The following HAUS2 variants were observed in gnomAD, a reference collection of about 807,000 sequenced individuals.
HAUS2 encodes the protein HAUS augmin-like complex subunit 2.
In HAUS2, 20 loss-of-function variants were observed where a neutral mutation model predicts 21.6. The ratio of observed to expected loss-of-function variants is 0.93; its 90% CI spans 0.65 to 1.35. The LOEUF is 1.35. Among genes scored for constraint, HAUS2 ranks in the 40% most tolerant of loss-of-function variants. HAUS2 has a pLI of 0.00. For synonymous variants in HAUS2, 113 were observed against 95.6 expected (o/e 1.18, Z -1.06); for missense variants, 297 against 280.7 (o/e 1.06, Z -0.42).
chr15:42,565,473 A>G (rs745503285), intron 5 of HAUS2, among the ~76,000 whole-genome samples: 1 of 151,484 alleles, frequency 6.6e-6, no homozygotes, highest in Non-Finnish European at 1.5e-5. Flanking sequence ...TGACTTGATT[A>G]GAACTGCCTT....
chr15:42,553,816 T>C (rs1244048488), intron 1 of HAUS2, among the ~76,000 whole-genome samples: 2 of 152,036 alleles, frequency 1.3e-5, no homozygotes, highest in Non-Finnish European at 2.9e-5. Context: ...ATGTGATAAA[T>C]TGTAGAAAAT....
chr15:42,557,062 C>T (rs912565756), intron 1 of HAUS2, among the ~76,000 whole-genome samples: 5 of 150,830 alleles, frequency 3.3e-5, no homozygotes, highest in South Asian at 2.1e-4. Context: ...CGCCTGTAAT[C>T]GCAGCATTTT....
intron 1 of HAUS2, among the ~76,000 whole-genome samples, chr15:42,553,028 CCA>C (rs1356367516): frequency 6.6e-6 from 1 of 150,564 alleles, no homozygotes; most frequent in Non-Finnish European, 1.5e-5. Flanking sequence ...CTCTTACTGC[CCA>C]GGGTGGAGTG....
Position 42,568,391 on chromosome 15 carries a change from A to G in HAUS2, c.*1575A>G, listed in dbSNP as rs1266368403. 6.6e-6 allele frequency: 1 copy of G among 152,228 alleles called. No homozygotes were observed. Among genetic ancestry groups the G allele is most frequent in the African/African-American group, 2.4e-5 (1 of 41,458 alleles). The allele number at this position is 152,228 out of a possible 1,614,324, so 9.4% of individuals were successfully genotyped here. A position where few individuals can be genotyped will look rare whatever the true frequency, so the allele number is the denominator to read the frequency against. On this transcript the variant is annotated 3_prime_UTR_variant, in exon 6 of 6. Coordinates refer to ENST00000260372, the MANE Select transcript of HAUS2 (RefSeq NM_018097.3). ...TGGCAAGTGAGCATGAGAAAGATAT[A>G]TGGGTCTAAACTTAGCCTTTTATCA... is the stretch of plus-strand genomic sequence containing the variant.
chr15:42,558,063 T>G (rs2141598196), intron 1 of HAUS2, 135 bp from the exon 2 acceptor site: 1 of 572,204 alleles, frequency 1.7e-6, no homozygotes, highest in Non-Finnish European at 3.1e-6. Flanking sequence ...TGCTACTATT[T>G]TACTTTGTAC....
intron 1 of HAUS2, among the ~76,000 whole-genome samples, chr15:42,553,609 C>T (rs993382611): frequency 2.0e-5 from 3 of 152,116 alleles, no homozygotes; most frequent in Non-Finnish European, 4.4e-5. Context: ...ACCTGACCCT[C>T]TTTCTTTCTT....
Position 42,558,247 on chromosome 15 carries a change from C to A in HAUS2, c.143C>A (p.Thr48Asn). The change falls in exon 2 of 6, where the codon ACC becomes AAC. Residue 48 changes from threonine (T) to asparagine (N), a missense_variant. By Grantham distance (65) the Thr-to-Asn change is moderately conservative. Coordinates refer to ENST00000260372, the MANE Select transcript of HAUS2 (RefSeq NM_018097.3). Reference protein sequence around the residue: ...KKTVSCFVNFTRLQQITNIQA... With the variant: ...KKTVSCFVNFNRLQQITNIQA... ...ACAGTTTCTTGTTTTGTGAACTTCA[C>A]CAGACTACAGCAGATCACAAATATT... 2 of 1,503,040 alleles carry A rather than the reference C, an allele frequency of 1.3e-6. No individual in the cohort carries two copies. Among genetic ancestry groups the A allele is most frequent in the African/African-American group, 1.4e-5 (1 of 72,548 alleles). The allele number at this position is 1,503,040 out of a possible 1,614,324, so 93.1% of individuals were successfully genotyped here. A position where few individuals can be genotyped will look rare whatever the true frequency, so the allele number is the denominator to read the frequency against.
Position 42,568,021 on chromosome 15 carries a change from A to G in HAUS2, c.*1205A>G, listed in dbSNP as rs2057923093. On this transcript the variant is annotated 3_prime_UTR_variant, in exon 6 of 6. Transcript: ENST00000260372. The stretch of plus-strand genomic sequence containing the variant: ...ACAGAGCAAGACTCTGTCTTAAAAA[A>G]AAAAAAAAAAGGTGTTTCTGAATTA... The G allele has an allele frequency of 6.6e-6, 1 of 152,234 alleles. No individual in the cohort carries two copies. Among genetic ancestry groups the G allele is most frequent in the South Asian group, 2.1e-4 (1 of 4,828 alleles). The allele number at this position is 152,234 out of a possible 1,614,324, so 9.4% of individuals were successfully genotyped here. A position where few individuals can be genotyped will look rare whatever the true frequency, so the allele number is the denominator to read the frequency against.
At chr15:42,552,444 C>T (rs1035735510) in intron 1 of HAUS2, among the ~76,000 whole-genome samples, 1 of 152,160 alleles carries the variant, frequency 6.6e-6, no homozygotes, top group Admixed American at 6.6e-5. Flanking sequence ...AAAATTAAGA[C>T]TATTGAGTTC....
In HAUS2 at chr15:42,569,571, T is replaced by G. The variant is rs2141612127; in HGVS notation, c.*2755T>G. On this transcript the variant is annotated 3_prime_UTR_variant, in exon 6 of 6. Coordinates refer to ENST00000260372, the MANE Select transcript of HAUS2 (RefSeq NM_018097.3). ...ACCCTCCCGCCTCAGCCTCCGAAAG[T>G]GCTGGGAGTACAGGTGTTAGCCACT... The G allele has an allele frequency of 6.6e-6, 1 of 152,312 alleles. No individual in the cohort carries two copies. The highest frequency in any genetic ancestry group is 3.4e-3 in the Middle Eastern group (1 of 296). The allele number at this position is 152,312 out of a possible 1,614,324, so 9.4% of individuals were successfully genotyped here.
Position 42,559,348 on chromosome 15 carries a change from G to A in HAUS2, c.196G>A (p.Glu66Lys). Residue 66 changes from glutamate to lysine, a missense_variant, in exon 3 of 6, where the codon GAA becomes AAA. Transcript: ENST00000260372. ...IQAEIYQKNL[E>K]IELLKLEKDT... is the part of the protein sequence containing the mutation. The stretch of plus-strand genomic sequence containing the variant: ...TTTGTTCCTCATGTAGAAAAACCTG[G>A]AAATTGAACTCCTGAAACTAGAAAA... 2 of 1,596,812 alleles carry A rather than the reference G, an allele frequency of 1.3e-6. No individual in the cohort carries two copies. Among genetic ancestry groups the A allele is most frequent in the Non-Finnish European group, 1.7e-6 (2 of 1,164,288 alleles).
At chr15:42,555,176 T>C (rs551600620) in intron 1 of HAUS2, among the ~76,000 whole-genome samples, 3 of 151,670 alleles carry the variant, frequency 2.0e-5, no homozygotes, top group African/African-American at 7.3e-5. Flanking sequence ...TTAGTAGAGA[T>C]GGGGTTTCAC....
In HAUS2 at chr15:42,561,287, C is replaced by G. The variant is rs1193505454; in HGVS notation, c.274C>G (p.Leu92Val). 6.4e-7 allele frequency: 1 copy of G among 1,556,932 alleles called. No individual in the cohort carries two copies. Among genetic ancestry groups the G allele is most frequent in the Admixed American group, 1.7e-5 (1 of 59,938 alleles). The change falls in exon 4 of 6, where the codon CTG (leucine) becomes GTG (valine). Residue 92 changes from leucine to valine, a missense_variant. Physicochemically the swap from Leu to Val is conservative, Grantham distance 32. Transcript: ENST00000260372. ...TTGTATAGCTCAGAAGTGTCATACTCTGCAAAGCATGAATAATCATTTGGA... is the reference window on the plus strand; with the variant it reads ...TTGTATAGCTCAGAAGTGTCATACTGTGCAAAGCATGAATAATCATTTGGA... ...PFFLAQKCHT[L>V]QSMNNHLEAV...
intron 1 of HAUS2, among the ~76,000 whole-genome samples, chr15:42,550,600 C>T (rs1177268211): frequency 6.6e-6 from 1 of 152,142 alleles, no homozygotes; most frequent in African/African-American, 2.4e-5. Flanking sequence ...TTCAGGTGGT[C>T]CTAGTTGACT....
chr15:42,559,215 T>A, intron 2 of HAUS2, 124 bp from the exon 3 acceptor site: 1 of 560,868 alleles, frequency 1.8e-6, no homozygotes. Flanking sequence ...GCTCACTACA[T>A]CCTGACCTCT....
At chr15:42,549,003 C>T (rs1405376239) in intron 1 of HAUS2, 38 bp downstream of exon 1, 1 of 1,316,690 alleles carries the variant, frequency 7.6e-7, no homozygotes, top group East Asian at 2.5e-5. Context: ...AAGGGGGTGC[C>T]CAAGGTGGCA....
At chr15:42,551,080 C>T (rs1292839209) in intron 1 of HAUS2, among the ~76,000 whole-genome samples, 2 of 150,858 alleles carry the variant, frequency 1.3e-5, no homozygotes, top group African/African-American at 2.4e-5. Context: ...ACTGTACCCT[C>T]TGCCACCTGG....
chr15:42,563,740 C>G lies in HAUS2; in HGVS notation c.390-9C>G, dbSNP rs369281877. 9.6e-5 allele frequency: 131 copies of G among 1,362,848 alleles called. No homozygotes were observed. Among genetic ancestry groups the G allele is most frequent in the Non-Finnish European group, 1.3e-4 (123 of 954,940 alleles). The allele number at this position is 1,362,848 out of a possible 1,614,324, so 84.4% of individuals were successfully genotyped here. On this transcript the variant is annotated splice_polypyrimidine_tract_variant and intron_variant, in intron 4 of 5. Coordinates refer to ENST00000260372, the MANE Select transcript of HAUS2 (RefSeq NM_018097.3). The stretch of plus-strand genomic sequence containing the variant: ...TAAAAAATGGTTGACTTTTTTCTTT[C>G]TCTTTCAGATATATGGTACATTTGC...
In HAUS2 at chr15:42,566,743, AT is replaced by A. The variant is rs1327430041; in HGVS notation, c.636del (p.Tyr212Ter). 1 of 1,560,754 alleles carries A rather than the reference AT, an allele frequency of 6.4e-7. No homozygotes were observed. ...ATATTAGCTGAAGAAAGTTATCTTT[AT>A]AAACATGATATTATAATGCCTCCTT... ...PKILAEESYL[Y>X]KHDIIMPPLP... is the part of the protein sequence containing the mutation. On this transcript the variant is annotated frameshift_variant, in exon 6 of 6. Coordinates refer to ENST00000260372, the MANE Select transcript of HAUS2 (RefSeq NM_018097.3). LOFTEE classifies it low-confidence loss of function (END_TRUNC).
Sources: allele counts gnomAD v4.1 joint callset (sites outside exome capture counted in the v4.1 genomes callset), GRCh38; gene constraint gnomAD v4.1.1; transcripts MANE v1.5; gene names NCBI Gene and HGNC (gene_info 2026-07-23, HGNC 2026-07-21).